Variants in GPR143 observed in about 807,000 individuals in gnomAD.
GPR143 encodes the protein G protein-coupled receptor 143.
GPR143 carries 8 observed loss-of-function variants against 27.6 expected under a neutral mutation model. The ratio of observed to expected loss-of-function variants is 0.29; its 90% CI spans 0.17 to 0.52. GPR143 has a LOEUF of 0.52. Among genes scored for constraint, GPR143 ranks in the 20% least tolerant of loss-of-function variants. GPR143 has a pLI of 0.96. For synonymous variants in GPR143, 156 were observed against 153.2 expected (o/e 1.02, Z -0.13); for missense variants, 303 against 343.1 (o/e 0.88, Z 0.92).
upstream of GPR143, among the ~76,000 whole-genome samples, chrX:9,766,929 ACAC>A: frequency 1.8e-5 from 2 of 108,419 alleles, no homozygotes; most frequent in Non-Finnish European, 3.8e-5. Context: ...ACACACACAC[ACAC>A]ACACACACAC....
intron 7 of GPR143, 40 bp from the exon 8 acceptor site, chrX:9,739,759 C>G: frequency 1.1e-6 from 1 of 913,583 alleles, no homozygotes; most frequent in South Asian, 2.1e-5. Flanking sequence ...GTCAGTGCAG[C>G]GTAGCAGAAG....
upstream of GPR143, among the ~76,000 whole-genome samples, chrX:9,768,374 TAGG>T (rs2083542491): frequency 9.0e-6 from 1 of 111,446 alleles, no homozygotes; most frequent in Non-Finnish European, 1.9e-5. Context: ...CGTCTTCCTC[TAGG>T]AGCAGCATCT....
At chrX:9,745,080 C>T (rs1483914634) in intron 5 of GPR143, among the ~76,000 whole-genome samples, 1 of 111,614 alleles carries the variant, frequency 9.0e-6, no homozygotes, top group African/African-American at 3.3e-5. Flanking sequence ...AGTGAAACCC[C>T]GTCTCTACTA....
At chrX:9,756,868 C>T (rs1440581414) in intron 3 of GPR143, among the ~76,000 whole-genome samples, 2 of 112,585 alleles carry the variant, frequency 1.8e-5, no homozygotes, top group African/African-American at 6.5e-5. Flanking sequence ...TCAGCAATTA[C>T]ACACCTAGAT....
chrX:9,754,170 G>A (rs1441855538), intron 3 of GPR143, among the ~76,000 whole-genome samples: 1 of 111,868 alleles, frequency 8.9e-6, no homozygotes, highest in Non-Finnish European at 1.9e-5. Context: ...ACCCCATCGG[G>A]ACTTCAACTT....
intron 8 of GPR143, among the ~76,000 whole-genome samples, chrX:9,731,696 G>C (rs1329060093): frequency 9.1e-6 from 1 of 109,693 alleles, no homozygotes; most frequent in African/African-American, 3.3e-5. Flanking sequence ...AAAACATCAT[G>C]GGAGAAAATG....
intron 3 of GPR143, among the ~76,000 whole-genome samples, chrX:9,751,657 G>A (rs868309963): frequency 3.6e-5 from 4 of 112,293 alleles, no homozygotes; most frequent in Non-Finnish European, 7.5e-5. Context: ...GTTTCTTTTT[G>A]GGATGGTAGA....
chrX:9,778,200 G>A (rs746211841), intron 1 of GPR143, among the ~76,000 whole-genome samples: 66 of 112,167 alleles, frequency 5.9e-4, no homozygotes, highest in African/African-American at 2.0e-3. Flanking sequence ...AGATAGGGAG[G>A]GATGGAAGAA....
At chrX:9,762,922 A>T (rs2083509703) in intron 1 of GPR143, among the ~76,000 whole-genome samples, 1 of 110,965 alleles carries the variant, frequency 9.0e-6, no homozygotes, top group African/African-American at 3.3e-5. Flanking sequence ...TTATTCACTA[A>T]CCCTCAAAAG....
At chrX:9,771,613 A>C (rs1311944302) in intron 1 of GPR143, among the ~76,000 whole-genome samples, 1 of 111,007 alleles carries the variant, frequency 9.0e-6, no homozygotes, top group Non-Finnish European at 1.9e-5. Context: ...AAAAGCAAAG[A>C]AAACTCCCAG....
chrX:9,726,002 AAAAG>A (rs1462231842), intron 8 of GPR143, 162 bp from the exon 9 acceptor site: 16 of 713,912 alleles, frequency 2.2e-5, no homozygotes, highest in African/African-American at 1.2e-4. Flanking sequence ...AAAAAAAAAA[AAAAG>A]GTGGGAGGGG....
chrX:9,778,548 G>C (rs777983989), intron 1 of GPR143, among the ~76,000 whole-genome samples: 8 of 109,942 alleles, frequency 7.3e-5, no homozygotes, highest in African/African-American at 2.3e-4. Context: ...GATTAAGGTA[G>C]TGTGGCCCTT....
intron 8 of GPR143, among the ~76,000 whole-genome samples, chrX:9,728,505 G>C (rs746056061): frequency 9.3e-6 from 1 of 107,425 alleles, no homozygotes; most frequent in South Asian, 4.2e-4. Flanking sequence ...TACAGCAAGA[G>C]ATGACAATAT....
intron 1 of GPR143, among the ~76,000 whole-genome samples, chrX:9,774,582 A>C (rs759586670): frequency 3.6e-5 from 4 of 111,999 alleles, no homozygotes; most frequent in Non-Finnish European, 5.6e-5. Context: ...AAGAGGGGCA[A>C]GGACCAGCAA....
At chrX:9,767,173 ATTTTT>A (rs112413683), upstream of GPR143, among the ~76,000 whole-genome samples, 1 of 105,863 alleles carries the variant, frequency 9.4e-6, no homozygotes, top group Non-Finnish European at 1.9e-5. Flanking sequence ...GCATACTAAG[ATTTTT>A]TTTTTTAAGT....
At chrX:9,772,231 C>T (rs2083557307) in intron 1 of GPR143, among the ~76,000 whole-genome samples, 1 of 111,462 alleles carries the variant, frequency 9.0e-6, no homozygotes, top group Non-Finnish European at 1.9e-5. Context: ...ACAATTTTCT[C>T]CTATTGAAAC....
At chrX:9,729,632 G>A (rs772495003) in intron 8 of GPR143, among the ~76,000 whole-genome samples, 7 of 112,320 alleles carry the variant, frequency 6.2e-5, no homozygotes, top group Non-Finnish European at 1.1e-4. Flanking sequence ...AGCAGGGAAC[G>A]TGCTGGCTGA....
intron 1 of GPR143, 98 bp from the exon 2 acceptor site, chrX:9,760,924 TAGGAAGAG>T: frequency 2.2e-6 from 1 of 451,350 alleles, no homozygotes; most frequent in South Asian, 3.4e-5. Context: ...TAGATAGAGA[TAGGAAGAG>T]AGGAAGGAAG....
intron 3 of GPR143, among the ~76,000 whole-genome samples, chrX:9,750,952 C>T (rs1218046638): frequency 8.9e-6 from 1 of 112,781 alleles, no homozygotes; most frequent in African/African-American, 3.2e-5. Context: ...ACGGGCACAG[C>T]ACTCGCCAGG....
Sources: gnomAD v4.1 joint callset for allele counts (sites outside exome capture counted in the v4.1 genomes callset) on GRCh38, gnomAD v4.1.1 for gene constraint, MANE v1.5 for transcripts, NCBI Gene and HGNC (gene_info 2026-07-23, HGNC 2026-07-21) for gene names.